PRKCH: variants seen among roughly 807,000 people sequenced by gnomAD.
PRKCH encodes the protein protein kinase C eta, also known as protein kinase C eta type.
In PRKCH, 28 loss-of-function variants were observed where a neutral mutation model predicts 82.5. That is an observed-to-expected ratio of 0.34 (90% CI 0.25 to 0.47). PRKCH has a LOEUF of 0.47. PRKCH is among the 20% of genes least tolerant of loss of function. PRKCH has a pLI of 1.00. For synonymous variants in PRKCH, 322 were observed against 327.4 expected, an observed-to-expected ratio of 0.98 and a Z score of 0.18; for missense variants, 705 against 881.8, an observed-to-expected ratio of 0.80 and a Z score of 2.54.
intron 10 of PRKCH, among the ~76,000 whole-genome samples, chr14:61,519,110 C>T (rs2042868260): frequency 1.3e-5 from 2 of 152,126 alleles, no homozygotes; most frequent in African/African-American, 4.8e-5. Flanking sequence ...TAGCAATACC[C>T]TATCTCTACA....
At chr14:61,460,248 AT>A (rs1884969868) in intron 9 of PRKCH, among the ~76,000 whole-genome samples, 2 of 152,268 alleles carry the variant, frequency 1.3e-5, no homozygotes, top group Admixed American at 1.3e-4. Flanking sequence ...ATAGTACTCC[AT>A]TTTAGAACAT....
intron 1 of PRKCH, among the ~76,000 whole-genome samples, chr14:61,222,239 G>A (rs1055569012): frequency 3.9e-5 from 6 of 152,180 alleles, no homozygotes; most frequent in African/African-American, 1.4e-4. Context: ...AGTGCATCCA[G>A]GATCATTAAA....
At chr14:61,457,856 T>C (rs1884850253) in intron 9 of PRKCH, among the ~76,000 whole-genome samples, 177 bp downstream of exon 9, 1 of 152,114 alleles carries the variant, frequency 6.6e-6, no homozygotes, top group Non-Finnish European at 1.5e-5. Context: ...AAATGGAAGC[T>C]TATGAATTCA....
At chr14:61,382,458 A>C (rs1443595053) in intron 1 of PRKCH, among the ~76,000 whole-genome samples, 1 of 152,132 alleles carries the variant, frequency 6.6e-6, no homozygotes, top group East Asian at 1.9e-4. Context: ...CAAACAAAAA[A>C]AAACAAGAAA....
chr14:61,228,520 A>G (rs1470007884), intron 1 of PRKCH, among the ~76,000 whole-genome samples: 4 of 152,150 alleles, frequency 2.6e-5, no homozygotes, highest in African/African-American at 9.7e-5. Flanking sequence ...GAAACAGAAA[A>G]AGGAAGCACA....
chr14:61,480,844 CCTGCCTGCCTTCGCAGTCCCTCCCGT>C (rs1435634873), intron 9 of PRKCH, among the ~76,000 whole-genome samples: 1 of 152,200 alleles, frequency 6.6e-6, no homozygotes, highest in Non-Finnish European at 1.5e-5. Context: ...CGCTTGACAA[CCTGCCTGCCTTCGCAGTCCCTCCCGT>C]CTGCCTGACA....
At chr14:61,503,899 T>C (rs1197580293) in intron 10 of PRKCH, among the ~76,000 whole-genome samples, 1 of 152,178 alleles carries the variant, frequency 6.6e-6, no homozygotes, top group Non-Finnish European at 1.5e-5. Flanking sequence ...TGTTTTAAGA[T>C]ATAACTCTAG....
chr14:61,486,470 C>G (rs1382561285), intron 10 of PRKCH, among the ~76,000 whole-genome samples: 4 of 152,142 alleles, frequency 2.6e-5, no homozygotes, highest in African/African-American at 9.7e-5. Context: ...GACTCCGAAT[C>G]TGCTTGATGT....
intron 2 of PRKCH, among the ~76,000 whole-genome samples, chr14:61,430,563 G>A (rs1427639073): frequency 6.6e-6 from 1 of 152,156 alleles, no homozygotes; most frequent in African/African-American, 2.4e-5. Flanking sequence ...ATCTGACCTT[G>A]CTGTTAGAGT....
chr14:61,488,148 T>C (rs1886309030), intron 10 of PRKCH, among the ~76,000 whole-genome samples: 2 of 57,732 alleles, frequency 3.5e-5, no homozygotes, highest in African/African-American at 6.5e-5. Context: ...CGAGACTCCG[T>C]CTCAAAAAAA....
At chr14:61,352,689 G>GAAAAGAAA in intron 1 of PRKCH, among the ~76,000 whole-genome samples, 2 of 126,546 alleles carry the variant, frequency 1.6e-5, no homozygotes, top group Middle Eastern at 7.4e-3. Context: ...AGAAAGGAAA[G>GAAAAGAAA]GAAAGAAAGA....
At chr14:61,445,612 T>G in intron 3 of PRKCH, 80 bp from the exon 4 acceptor site, 14 of 1,238,434 alleles carry the variant, frequency 1.1e-5, no homozygotes, top group Non-Finnish European at 1.5e-5. Context: ...GAGGAGAGGA[T>G]GAAATTTGTT....
rs754538378 is a variant in PRKCH at position 61,280,456 on chromosome 14, C to G, written c.-19+92788C>G. 4 of 1,613,690 alleles carry G rather than the reference C, an allele frequency of 2.5e-6. No homozygotes were observed. Among genetic ancestry groups the G allele is most frequent in the Non-Finnish European group, 1.7e-6 (2 of 1,179,780 alleles). ...GTCGGGGCTGAGCTCGTAGACTGGC[C>G]GGCGCCAGTTGGGCGGGGGCGCCGT... On this transcript the variant is annotated intron_variant, in intron 1 of 3. Transcript: ENST00000555185. This position sits in a 1 kb window ranked among gnomAD's most constrained non-coding sequence, Gnocchi z 5.0.
Position 61,515,871 on chromosome 14 carries a change from A to T in PRKCH, c.1434-13204A>T, listed in dbSNP as rs575386114. On this transcript the variant is annotated intron_variant, in intron 10 of 13. Transcript: ENST00000332981. ...TATCTTTCTTGTTGATGAATAAATA[A>T]TAGCCAAGGGCTCTACAGCACTTAA... 2.0e-5 allele frequency among the ~76,000 whole-genome samples: 3 copies of T among 152,294 alleles called. No individual in the cohort carries two copies. In the South Asian group the frequency reaches 6.2e-4, roughly 32 times the overall value.
intron 1 of PRKCH, among the ~76,000 whole-genome samples, chr14:61,269,008 A>G (rs945373066): frequency 6.6e-6 from 1 of 152,186 alleles, no homozygotes; most frequent in Non-Finnish European, 1.5e-5. Context: ...AAAAAGACAT[A>G]TTCTTCCTAT....
At chr14:61,403,400 G>T (rs777370653) in intron 2 of PRKCH, among the ~76,000 whole-genome samples, 1 of 152,216 alleles carries the variant, frequency 6.6e-6, no homozygotes, top group African/African-American at 2.4e-5. Context: ...AAAAAAATAT[G>T]TACAGTTAGG....
rs185878886 is a variant in PRKCH at position 61,198,589 on chromosome 14, G to T, written c.-19+10921G>T. Among the ~76,000 whole-genome samples the T allele has an allele frequency of 1.3e-3, 198 of 152,262 alleles. 2 individuals are homozygous for T. In the Middle Eastern group the frequency reaches 0.034, roughly 26 times the overall value. On this transcript the variant is annotated intron_variant, in intron 1 of 3. Transcript: ENST00000555185. ...ACATAATGATCTCCCCACAGTTAGC[G>T]TGTGGGCAGAAACTATGTCTCTATA...
intron 2 of PRKCH, among the ~76,000 whole-genome samples, chr14:61,422,370 G>T (rs1384742395): frequency 2.6e-5 from 4 of 152,216 alleles, no homozygotes; most frequent in Non-Finnish European, 5.9e-5. Context: ...GATTATAGGC[G>T]TGAGCCACAG....
At chr14:61,458,144 G>T (rs1884864059) in intron 9 of PRKCH, among the ~76,000 whole-genome samples, 1 of 152,200 alleles carries the variant, frequency 6.6e-6, no homozygotes. Flanking sequence ...ACATCCCAGG[G>T]CATTGCTTCT....
Sources: allele counts gnomAD v4.1 joint callset (sites outside exome capture counted in the v4.1 genomes callset), GRCh38; gene constraint gnomAD v4.1.1; non-coding constraint Gnocchi (gnomAD v3.1); transcripts MANE v1.5; gene names NCBI Gene and HGNC (gene_info 2026-07-23, HGNC 2026-07-21).